The following RABGAP1L variants were observed in gnomAD, a reference collection of about 807,000 sequenced individuals.
RABGAP1L encodes the protein RAB GTPase activating protein 1 like, also known as rab GTPase-activating protein 1-like.
RABGAP1L carries 63 observed loss-of-function variants against 137.7 expected under a neutral mutation model. That is an observed-to-expected ratio of 0.46 (90% confidence interval 0.37 to 0.56). The LOEUF is 0.56. Among genes scored for constraint, RABGAP1L ranks in the 20% least tolerant of loss-of-function variants. RABGAP1L has a pLI of 0.00. For missense variants in RABGAP1L, 1,095 were observed against 1,244.0 expected, an observed-to-expected ratio of 0.88 and a Z score of 1.80; for synonymous variants, 431 against 433.7, an observed-to-expected ratio of 0.99 and a Z score of 0.08.
intron 19 of RABGAP1L, among the ~76,000 whole-genome samples, chr1:174,886,287 C>G (rs1315858919): frequency 6.6e-6 from 1 of 152,162 alleles, no homozygotes; most frequent in South Asian, 2.1e-4. Flanking sequence ...GCTCAGATTA[C>G]AGGCGTAAGC....
chr1:174,420,197 T>C (rs922546876), intron 13 of RABGAP1L, among the ~76,000 whole-genome samples: 1 of 131,766 alleles, frequency 7.6e-6, no homozygotes. Context: ...AGGCCCAACC[T>C]CCTTTTTTTT....
At chr1:174,964,770 G>C in intron 20 of RABGAP1L, 1 of 1,338,510 alleles carries the variant, frequency 7.5e-7, no homozygotes, top group Non-Finnish European at 9.7e-7. Context: ...GCTACCTCAA[G>C]TATCTTTGTT....
At position 174,864,468 on chromosome 1, in the gene RABGAP1L, G is replaced by A. The variant is rs539247198; in HGVS notation, c.2340+52508G>A. Among the ~76,000 whole-genome samples the A allele has an allele frequency of 2.0e-4, 30 of 152,312 alleles. 1 individual carries two copies. In the South Asian group the frequency reaches 5.8e-3, roughly 29 times the overall value. On this transcript the variant is annotated intron_variant, in intron 19 of 25. Coordinates refer to ENST00000681986, the MANE Select transcript of RABGAP1L (RefSeq NM_001366446.1). The stretch of plus-strand genomic sequence containing the variant: ...CTGGGGAGGCCTCAGGAAACTTACA[G>A]TTACTGCAGAAGGGGAAGCAAACAT...
intron 11 of RABGAP1L, among the ~76,000 whole-genome samples, chr1:174,351,986 T>C (rs1036918242): frequency 2.0e-4 from 30 of 152,090 alleles, no homozygotes; most frequent in Non-Finnish European, 2.9e-4. Context: ...GCTTTTGTAT[T>C]TTTAGTAGAG....
intron 8 of RABGAP1L, 49 bp downstream of exon 8, chr1:174,272,529 T>A: frequency 7.0e-7 from 1 of 1,422,928 alleles, no homozygotes. Flanking sequence ...ATAGTTATTT[T>A]ATATTTGACA....
chr1:174,427,729 T>C (rs1167489534), intron 13 of RABGAP1L, among the ~76,000 whole-genome samples: 1 of 152,234 alleles, frequency 6.6e-6, no homozygotes, highest in Non-Finnish European at 1.5e-5. Flanking sequence ...GTGTTTATTC[T>C]AGATAAGACA....
intron 18 of RABGAP1L, among the ~76,000 whole-genome samples, chr1:174,756,561 C>T (rs1318062825): frequency 3.3e-5 from 5 of 151,824 alleles, no homozygotes; most frequent in Admixed American, 1.3e-4. Flanking sequence ...TGGTATCAAA[C>T]GGACTGAAAT....
intron 19 of RABGAP1L, among the ~76,000 whole-genome samples, chr1:174,941,763 A>G (rs905254390): frequency 2.0e-5 from 3 of 152,230 alleles, no homozygotes; most frequent in African/African-American, 4.8e-5. Flanking sequence ...TCCCTCCAGG[A>G]CGATGCTTAC....
intron 13 of RABGAP1L, among the ~76,000 whole-genome samples, chr1:174,571,441 A>G (rs1468910903): frequency 2.6e-5 from 4 of 152,204 alleles, no homozygotes; most frequent in Non-Finnish European, 2.9e-5. Context: ...TGTTTGTAAC[A>G]GAAAGGATAA....
At chr1:174,481,065 T>C (rs1338465973) in intron 13 of RABGAP1L, among the ~76,000 whole-genome samples, 1 of 152,212 alleles carries the variant, frequency 6.6e-6, no homozygotes, top group Non-Finnish European at 1.5e-5. Context: ...TACCTTTGTA[T>C]ACTACCAAAG....
chr1:174,221,006 C>A lies in RABGAP1L; in HGVS notation c.173C>A (p.Ala58Asp). 6.2e-7 allele frequency: 1 copy of A among 1,611,098 alleles called. No homozygotes were observed. Residue 58 changes from alanine to aspartate, a missense_variant, in exon 3 of 26, where the codon GCC becomes GAC. This residue lies in a region of RABGAP1L where 356 missense variants were observed against 326.3 expected (regional missense o/e 1.09). Transcript: ENST00000681986. ...AATGGTGATGAACAATTGGAAAAAG[C>A]CATGGAAGAGATTTTGAGAGATTCC... ...VSNGDEQLEK[A>D]MEEILRDSEK...
intron 13 of RABGAP1L, among the ~76,000 whole-genome samples, chr1:174,618,896 A>T (rs56260545): frequency 0.21 from 31,900 of 152,170 alleles, 3,686 homozygotes; most frequent in Admixed American, 0.25. Flanking sequence ...CTTTGAAAAA[A>T]ATTTAGACGA....
intron 1 of RABGAP1L, among the ~76,000 whole-genome samples, chr1:174,163,611 TAA>T (rs36027110): frequency 0.015 from 2,182 of 142,626 alleles, 62 homozygotes; most frequent in African/African-American, 0.052. Context: ...CTGTTGGGCT[TAA>T]AAAAAAAAAA....
intron 13 of RABGAP1L, among the ~76,000 whole-genome samples, chr1:174,552,311 C>T (rs965573598): frequency 1.3e-5 from 2 of 151,980 alleles, no homozygotes; most frequent in African/African-American, 2.4e-5. Context: ...TGATTATCTC[C>T]CTCCTTCCAC....
chr1:174,486,941 A>G (rs1477851689), intron 13 of RABGAP1L, among the ~76,000 whole-genome samples: 2 of 152,156 alleles, frequency 1.3e-5, no homozygotes, highest in Non-Finnish European at 2.9e-5. Flanking sequence ...ATAGTATTCA[A>G]AATTCCTTGT....
intron 10 of RABGAP1L, among the ~76,000 whole-genome samples, chr1:174,295,325 T>C (rs2148732658): frequency 6.6e-6 from 1 of 151,674 alleles, no homozygotes; most frequent in Admixed American, 6.6e-5. Context: ...GCAGTCCTTC[T>C]GCCTAGCTTC....
chr1:174,866,968 G>C (rs970787776), intron 19 of RABGAP1L, among the ~76,000 whole-genome samples: 1 of 151,706 alleles, frequency 6.6e-6, no homozygotes, highest in African/African-American at 2.4e-5. Flanking sequence ...GGCGCTTGTA[G>C]TCCCAATTAC....
intron 11 of RABGAP1L, among the ~76,000 whole-genome samples, chr1:174,360,001 CCTTA>C (rs1402791194): frequency 1.3e-5 from 2 of 152,192 alleles, no homozygotes; most frequent in African/African-American, 2.4e-5. Flanking sequence ...TTTACCTCTC[CCTTA>C]CTTGTTCATC....
At chr1:174,168,426 T>C (rs1665087127) in intron 1 of RABGAP1L, among the ~76,000 whole-genome samples, 2 of 152,178 alleles carry the variant, frequency 1.3e-5, no homozygotes, top group Non-Finnish European at 2.9e-5. Context: ...GCAGCTGTTT[T>C]ATCACCAGAC....
Sources: gnomAD v4.1 joint callset for allele counts (sites outside exome capture counted in the v4.1 genomes callset) on GRCh38, gnomAD v4.1.1 for gene constraint, gnomAD v4.1.1 regional missense constraint, MANE v1.5 for transcripts, NCBI Gene and HGNC (gene_info 2026-07-23, HGNC 2026-07-21) for gene names.